PPP1R3B: variants seen among roughly 807,000 people sequenced by gnomAD.
PPP1R3B encodes protein phosphatase 1 regulatory subunit 3B, also known as PP1 subunit R4.
A neutral mutation model predicts 14.6 loss-of-function variants in PPP1R3B; 8 were observed. That is an observed-to-expected ratio of 0.55 (90% CI 0.32 to 0.99). The LOEUF is 0.99. Among genes scored for constraint, PPP1R3B ranks in the 50% least tolerant of loss-of-function variants. The pLI, the probability that PPP1R3B is intolerant of heterozygous loss-of-function variation, is 0.04. For synonymous variants in PPP1R3B, 169 were observed against 142.0 expected (o/e 1.19, Z -1.35); for missense variants, 452 against 360.1 (o/e 1.26, Z -2.07).
intron 1 of PPP1R3B, among the ~76,000 whole-genome samples, chr8:9,147,366 T>C (rs902096200): frequency 6.6e-6 from 1 of 152,132 alleles, no homozygotes; most frequent in African/African-American, 2.4e-5. Flanking sequence ...CCCCCCACTC[T>C]ACCCATCCTG....
chr8:9,138,151 G>A lies in PPP1R3B; in HGVS notation c.*2643C>T, dbSNP rs917124687. ...CTTCTTAAGGCAAAGTAAAATTCAG[G>A]ACCTGCATGAAATCAGTTTTGCTTC... On this transcript the variant is annotated 3_prime_UTR_variant, in exon 2 of 2. Coordinates refer to ENST00000310455, the MANE Select transcript of PPP1R3B (RefSeq NM_024607.4). 4 of 152,128 alleles carry A rather than the reference G, an allele frequency of 2.6e-5. No homozygotes were observed. The highest frequency in any genetic ancestry group is 9.7e-5 in the African/African-American group (4 of 41,406). 9.4% of individuals were successfully genotyped at this position (152,128 alleles called of 1,614,324 possible).
chr8:9,143,357 G>A (rs371883302), intron 1 of PPP1R3B, among the ~76,000 whole-genome samples: 2 of 152,288 alleles, frequency 1.3e-5, no homozygotes, highest in Non-Finnish European at 1.5e-5. Flanking sequence ...ACACAAACCT[G>A]CTTTCATTAA....
In PPP1R3B at chr8:9,139,942, G is replaced by C. The variant is rs1031458035; in HGVS notation, c.*852C>G. On this transcript the variant is annotated 3_prime_UTR_variant, in exon 2 of 2. Coordinates refer to ENST00000310455, the MANE Select transcript of PPP1R3B (RefSeq NM_024607.4). ...AAAATCAGATTTTTCCGGTGACTCG[G>C]GGTAAATGTGGGGACTTAGAAAGCT... The C allele has an allele frequency of 2.0e-5, 3 of 152,134 alleles. No individual in the cohort carries two copies. Among genetic ancestry groups the C allele is most frequent in the Non-Finnish European group, 4.4e-5 (3 of 68,034 alleles). 9.4% of individuals were successfully genotyped at this position (152,134 alleles called of 1,614,324 possible).
intron 1 of PPP1R3B, among the ~76,000 whole-genome samples, chr8:9,150,154 C>G (rs573825558): frequency 3.3e-5 from 5 of 152,250 alleles, no homozygotes; most frequent in African/African-American, 1.2e-4. Context: ...ATTTCCTCCT[C>G]TCCTCCTCTT....
chr8:9,142,938 T>C (rs1801131468), intron 1 of PPP1R3B, among the ~76,000 whole-genome samples: 3 of 152,242 alleles, frequency 2.0e-5, no homozygotes, highest in Non-Finnish European at 2.9e-5. Context: ...ATTCCGTATC[T>C]TGGCTTAGTG....
rs1387590901 is a variant in PPP1R3B, at chr8:9,138,433, C to T, written c.*2361G>A. Reference sequence around the variant, plus strand: ...CCAGTTTTAGGAGTAAGAATTACATCGAATAGCCTTAAGAGCATTTAAAAA... The same window carrying T: ...CCAGTTTTAGGAGTAAGAATTACATTGAATAGCCTTAAGAGCATTTAAAAA... On this transcript the variant is annotated 3_prime_UTR_variant, in exon 2 of 2. Transcript: ENST00000310455. 2.6e-5 allele frequency: 4 copies of T among 152,138 alleles called. No homozygotes were observed. The highest frequency in any genetic ancestry group is 5.9e-5 in the Non-Finnish European group (4 of 68,032). The allele number at this position is 152,138 out of a possible 1,614,324, so 9.4% of individuals were successfully genotyped here. A position where few individuals can be genotyped will look rare whatever the true frequency, so the allele number is the denominator to read the frequency against.
intron 1 of PPP1R3B, 32 bp from the exon 2 acceptor site, chr8:9,141,700 A>T: frequency 1.3e-6 from 2 of 1,582,098 alleles, no homozygotes; most frequent in East Asian, 2.3e-5. Flanking sequence ...AGAAGAAAGA[A>T]AACAGTGGAG....
chr8:9,137,944 C>T lies in PPP1R3B; in HGVS notation c.*2850G>A, dbSNP rs1487941122. Reference sequence around the variant, plus strand: ...GCTGCTTTAGAAGAGATAGTTATCACTGAATTACCATATTTCAAATTTTGA... The same window carrying T: ...GCTGCTTTAGAAGAGATAGTTATCATTGAATTACCATATTTCAAATTTTGA... On this transcript the variant is annotated 3_prime_UTR_variant, in exon 2 of 2. Coordinates refer to ENST00000310455, the MANE Select transcript of PPP1R3B (RefSeq NM_024607.4). The T allele has an allele frequency of 1.3e-5, 2 of 152,120 alleles. No homozygotes were observed. The highest frequency in any genetic ancestry group is 4.8e-5 in the African/African-American group (2 of 41,408). 9.4% of individuals were successfully genotyped at this position (152,120 alleles called of 1,614,324 possible). A position where few individuals can be genotyped will look rare whatever the true frequency, so the allele number is the denominator to read the frequency against.
chr8:9,146,502 A>T (rs531174359), intron 1 of PPP1R3B, among the ~76,000 whole-genome samples: 2 of 151,862 alleles, frequency 1.3e-5, no homozygotes, highest in East Asian at 3.9e-4. Context: ...ACATGTAAAG[A>T]AAAAAGGTGA....
rs200503589 is a variant in PPP1R3B at position 9,141,336 on chromosome 8, C to T, written c.316G>A (p.Glu106Lys). ...LDNIVSLTTA[E>K]SESFVLDFSQ... ...AAATCCAGAACAAAGCTCTCGCTCT[C>T]TGCTGTCGTCAAGCTCACAATGTTG... The change falls in exon 2 of 2, where the codon GAG becomes AAG. Residue 106 changes from glutamate (E) to lysine (K), a missense_variant. Transcript: ENST00000310455. The T allele has an allele frequency of 3.7e-6, 6 of 1,614,098 alleles. No homozygotes were observed. Among genetic ancestry groups the T allele is most frequent in the Non-Finnish European group, 3.4e-6 (4 of 1,180,052 alleles).
At chr8:9,144,085 G>A (rs1433129283) in intron 1 of PPP1R3B, among the ~76,000 whole-genome samples, 3 of 151,138 alleles carry the variant, frequency 2.0e-5, no homozygotes, top group Admixed American at 1.3e-4. Flanking sequence ...TATGCAAAAT[G>A]TTCAACCTTA....
At position 9,137,987 on chromosome 8, in the gene PPP1R3B, A is replaced by G. The variant is rs1198288881; in HGVS notation, c.*2807T>C. 2 of 152,162 alleles carry G rather than the reference A, an allele frequency of 1.3e-5. No homozygotes were observed. The highest frequency in any genetic ancestry group is 2.4e-5 in the African/African-American group (1 of 41,434). 9.4% of individuals were successfully genotyped at this position (152,162 alleles called of 1,614,324 possible). Reference sequence around the variant, plus strand: ...AATTTTGACATGGGAATGTCTTAAGATCATTATTAGATAAAATTAAACTGA... The same window carrying G: ...AATTTTGACATGGGAATGTCTTAAGGTCATTATTAGATAAAATTAAACTGA... On this transcript the variant is annotated 3_prime_UTR_variant, in exon 2 of 2. Transcript: ENST00000310455.
At position 9,141,559 on chromosome 8, in the gene PPP1R3B, G is replaced by T; in HGVS notation, c.93C>A (p.Ser31Arg). Residue 31 changes from serine to arginine, a missense_variant, in exon 2 of 2, where the codon AGC (serine) becomes AGA (arginine). Transcript: ENST00000310455. The part of the protein sequence containing the change: ...RFAFKISPKP[S>R]KPLRPCIQLS... ...GCTGAATACAAGGCCTCAGTGGTTT[G>T]CTGGGCTTTGGTGAGATCTTAAAGG... The T allele has an allele frequency of 1.2e-6, 2 of 1,614,166 alleles. No homozygotes were observed. Among genetic ancestry groups the T allele is most frequent in the Non-Finnish European group, 1.7e-6 (2 of 1,180,032 alleles).
At position 9,137,365 on chromosome 8, in the gene PPP1R3B, A is replaced by G. The variant is rs1473285083; in HGVS notation, c.*3429T>C. On this transcript the variant is annotated 3_prime_UTR_variant, in exon 2 of 2. Transcript: ENST00000310455. ...CTATTGCCGGACAACTGCACCTGTG[A>G]CAGGTGGCTGGTCTTTCTGGGGCAA... The G allele has an allele frequency of 6.6e-6, 1 of 152,212 alleles. No individual in the cohort carries two copies. The highest frequency in any genetic ancestry group is 2.4e-5 in the African/African-American group (1 of 41,450). The allele number at this position is 152,212 out of a possible 1,614,324, so 9.4% of individuals were successfully genotyped here.
chr8:9,141,733 A>G, intron 1 of PPP1R3B, 65 bp from the exon 2 acceptor site: 1 of 1,463,242 alleles, frequency 6.8e-7, no homozygotes, highest in East Asian at 2.4e-5. Context: ...ACAGATGTGT[A>G]AAGGCATCAT....
At chr8:9,142,031 T>A (rs890346471) in intron 1 of PPP1R3B, among the ~76,000 whole-genome samples, 2 of 152,232 alleles carry the variant, frequency 1.3e-5, no homozygotes, top group East Asian at 3.8e-4. Flanking sequence ...ATATACTGTT[T>A]TAAAATTTCC....
Position 9,136,356 on chromosome 8 carries a change from T to TC in PPP1R3B, c.*4437dup, listed in dbSNP as rs1800888864. On this transcript the variant is annotated 3_prime_UTR_variant, in exon 2 of 2. Transcript: ENST00000310455. Reference sequence around the variant, plus strand: ...ATTCTTGGGATTTTTAAAGTGCATTTCCCCTTGAACTCTGTGTACAAAAAT... The same window carrying TC: ...ATTCTTGGGATTTTTAAAGTGCATTTCCCCCTTGAACTCTGTGTACAAAAAT... 6.6e-6 allele frequency: 1 copy of TC among 152,218 alleles called. No homozygotes were observed. Among genetic ancestry groups the TC allele is most frequent in the East Asian group, 1.9e-4 (1 of 5,204 alleles). The allele number at this position is 152,218 out of a possible 1,614,324, so 9.4% of individuals were successfully genotyped here.
At chr8:9,145,094 G>T (rs187389657) in intron 1 of PPP1R3B, among the ~76,000 whole-genome samples, 3 of 151,108 alleles carry the variant, frequency 2.0e-5, no homozygotes, top group Admixed American at 1.3e-4. Context: ...TTTTAAAAAA[G>T]ATTCAAATGA....
chr8:9,137,454 A>T lies in PPP1R3B; in HGVS notation c.*3340T>A, dbSNP rs1800924186. 1 of 152,198 alleles carries T rather than the reference A, an allele frequency of 6.6e-6. No homozygotes were observed. Among genetic ancestry groups the T allele is most frequent in the South Asian group, 2.1e-4 (1 of 4,832 alleles). 9.4% of individuals were successfully genotyped at this position (152,198 alleles called of 1,614,324 possible). A position where few individuals can be genotyped will look rare whatever the true frequency, so the allele number is the denominator to read the frequency against. Reference sequence around the variant, plus strand: ...CATAACCAAGAGCTGTCTGAAGGCAAATCTACAAGTCAAGGTGCAGTGAAG... The same window carrying T: ...CATAACCAAGAGCTGTCTGAAGGCATATCTACAAGTCAAGGTGCAGTGAAG... On this transcript the variant is annotated 3_prime_UTR_variant, in exon 2 of 2. Coordinates refer to ENST00000310455, the MANE Select transcript of PPP1R3B (RefSeq NM_024607.4).
Sources: gnomAD v4.1 joint callset for allele counts (sites outside exome capture counted in the v4.1 genomes callset) on GRCh38, gnomAD v4.1.1 for gene constraint, MANE v1.5 for transcripts, NCBI Gene and HGNC (gene_info 2026-07-23, HGNC 2026-07-21) for gene names.